The following HNRNPR variants were observed in gnomAD, a reference collection of about 807,000 sequenced individuals.
HNRNPR encodes heterogeneous nuclear ribonucleoprotein R.
A neutral mutation model predicts 70.3 loss-of-function variants in HNRNPR; 4 were observed. The observed-to-expected ratio is 0.06, with a 90% confidence interval of 0.03 to 0.13. The LOEUF is 0.13. Ranked by LOEUF, HNRNPR falls within the 10% of genes least tolerant of loss-of-function variation. The probability of loss-of-function intolerance (pLI) is 1.00; values close to 1 mark genes in which losing one functional copy is unlikely to be tolerated. For synonymous variants in HNRNPR, 241 were observed against 267.6 expected, an observed-to-expected ratio of 0.90 and a Z score of 0.97; for missense variants, 423 against 788.5, an observed-to-expected ratio of 0.54 and a Z score of 5.55.
Position 23,311,026 on chromosome 1 carries a change from G to A in HNRNPR, c.1330C>T (p.Pro444Ser). The A allele has an allele frequency of 1.2e-6, 2 of 1,614,180 alleles. No individual in the cohort carries two copies. The highest frequency in any genetic ancestry group is 1.7e-6 in the Non-Finnish European group (2 of 1,180,028). ...CCACGACCCCGACCTCTAATTGGAG[G>A]TGGCATGCGAGGAGGAGGGTGGTAG... is the stretch of plus-strand genomic sequence containing the variant. The part of the protein sequence containing the change: ...YYYHPPPRMP[P>S]PIRGRGRGGG... The change falls in exon 11 of 11, where the codon CCT (proline) becomes TCT (serine). Residue 444 changes from proline to serine, a missense_variant. Physicochemically the swap from Pro to Ser is moderately conservative, Grantham distance 74. This residue lies in a region of HNRNPR where 169 missense variants were observed against 195.6 expected (regional missense o/e 0.86). Transcript: ENST00000302271.
chr1:23,338,562 G>C lies in HNRNPR; in HGVS notation c.204C>G (p.Leu68=). 6.2e-7 allele frequency: 1 copy of C among 1,600,468 alleles called. No individual in the cohort carries two copies. Among genetic ancestry groups the C allele is most frequent in the Non-Finnish European group, 8.5e-7 (1 of 1,173,338 alleles). The change falls in exon 3 of 11, where the codon CTC becomes CTG. Residue 68 remains leucine (L), a synonymous_variant. Coordinates refer to ENST00000302271, the MANE Select transcript of HNRNPR (RefSeq NM_005826.5). The part of the protein sequence containing the change: ...VDLDERAIDA[L]REFNEEGALS... ...GAGCTCCTTCTTCATTAAATTCCCTGAGAGCATCAATTGCTCTTTCATCAA... is the reference window on the plus strand; with the variant it reads ...GAGCTCCTTCTTCATTAAATTCCCTCAGAGCATCAATTGCTCTTTCATCAA...
At chr1:23,315,905 C>CT (rs982205075) in intron 8 of HNRNPR, among the ~76,000 whole-genome samples, 1 of 152,026 alleles carries the variant, frequency 6.6e-6, no homozygotes, top group Non-Finnish European at 1.5e-5. Flanking sequence ...GGTTTAGTTG[C>CT]TTTTTAAAAA....
rs662879 is a variant in HNRNPR at position 23,310,507 on chromosome 1, T to C, written c.1849A>G (p.Asn617Asp). 2 of 1,613,544 alleles carry C rather than the reference T, an allele frequency of 1.2e-6. No individual in the cohort carries two copies. Among genetic ancestry groups the C allele is most frequent in the Non-Finnish European group, 1.7e-6 (2 of 1,179,722 alleles). Reference sequence around the variant, plus strand: ...TGATAAAATTCCTGGTTGTCATTATTGTAACCATAGTTACCAGAATAGTCA... The same window carrying C: ...TGATAAAATTCCTGGTTGTCATTATCGTAACCATAGTTACCAGAATAGTCA... Reference protein sequence around the residue: ...GGDYSGNYGYNNDNQEFYQDT... With the variant: ...GGDYSGNYGYDNDNQEFYQDT... The change falls in exon 11 of 11, where the codon AAT (asparagine) becomes GAT (aspartate). Residue 617 changes from asparagine to aspartate, a missense_variant. This residue lies in a region of HNRNPR where 39 missense variants were observed against 53.2 expected (regional missense o/e 0.73). Transcript: ENST00000302271. The surrounding 1 kb of genome is among the most constrained non-coding windows in gnomAD (Gnocchi z 6.0).
At chr1:23,327,241 T>C (rs1421685009) in intron 5 of HNRNPR, among the ~76,000 whole-genome samples, 2 of 152,192 alleles carry the variant, frequency 1.3e-5, no homozygotes, top group Non-Finnish European at 2.9e-5. Context: ...TACTCAGAAC[T>C]TGTATAATAC....
intron 10 of HNRNPR, 34 bp from the exon 11 acceptor site, chr1:23,311,100 A>T (rs751573926): frequency 9.3e-6 from 15 of 1,608,922 alleles, no homozygotes; most frequent in Non-Finnish European, 1.2e-5. Context: ...AAGAAAAAAC[A>T]AATCAGTTTG....
chr1:23,313,246 C>A (rs910042397), intron 9 of HNRNPR, among the ~76,000 whole-genome samples: 4 of 152,248 alleles, frequency 2.6e-5, no homozygotes, highest in African/African-American at 7.2e-5. Context: ...CATTCATTAC[C>A]TATTCAGTGT....
chr1:23,311,506 C>T lies in HNRNPR; in HGVS notation c.1168-184G>A, dbSNP rs116482836. Among the ~76,000 whole-genome samples the T allele has an allele frequency of 1.3e-3, 199 of 152,128 alleles. 3 individuals are homozygous for T. Among genetic ancestry groups the T allele is most frequent in the African/African-American group, 4.6e-3 (191 of 41,502 alleles). ...CAAACACACAAAGAAAATACGTTTC[C>T]CTTGACCTTATCTTTTTATACATAA... On this transcript the variant is annotated intron_variant, in intron 9 of 10. Transcript: ENST00000302271.
In HNRNPR at chr1:23,311,265, C is replaced by A; in HGVS notation, c.1225G>T (p.Ala409Ser). The change falls in exon 10 of 11, where the codon GCC becomes TCC. Residue 409 changes from alanine (A) to serine (S), a missense_variant. Ala to Ser is a moderately conservative substitution (Grantham distance 99). Transcript: ENST00000302271. ...TTCCTTTTCTTGTCTGGTGGCTTGG[C>A]TAAGACTATTTCAATTTCTTCCCCT... ...IEGEEIEIVL[A>S]KPPDKKRKER... 1 of 1,612,434 alleles carries A rather than the reference C, an allele frequency of 6.2e-7. No homozygotes were observed. Among genetic ancestry groups the A allele is most frequent in the African/African-American group, 1.3e-5 (1 of 74,984 alleles).
chr1:23,332,265 C>T lies in HNRNPR; in HGVS notation c.498+1253G>A, dbSNP rs57838711. Among the ~76,000 whole-genome samples the T allele has an allele frequency of 8.8e-3, 1,344 of 152,268 alleles. 16 individuals carry two copies. The highest frequency in any genetic ancestry group is 0.031 in the African/African-American group (1,286 of 41,552). On this transcript the variant is annotated intron_variant, in intron 5 of 10. Transcript: ENST00000302271. ...CTTTGTTCAAGTATGGACTAACATA[C>T]TCAATCTTTTATCTGATTCCACATC... is the stretch of plus-strand genomic sequence containing the variant.
At chr1:23,322,165 T>C (rs1038610842) in intron 6 of HNRNPR, among the ~76,000 whole-genome samples, 7 of 152,140 alleles carry the variant, frequency 4.6e-5, no homozygotes, top group Non-Finnish European at 7.4e-5. Flanking sequence ...CACAATACTT[T>C]CAAAATTTTA....
chr1:23,344,007 G>A (rs1461744583), intron 1 of HNRNPR, among the ~76,000 whole-genome samples: 2 of 152,234 alleles, frequency 1.3e-5, no homozygotes, highest in Middle Eastern at 3.4e-3. Context: ...GCGGGGGGAG[G>A]AAGAGCGAGG....
At chr1:23,331,924 G>C (rs931988558) in intron 5 of HNRNPR, among the ~76,000 whole-genome samples, 4 of 149,600 alleles carry the variant, frequency 2.7e-5, no homozygotes, top group African/African-American at 9.8e-5. Flanking sequence ...GGATGAGCAG[G>C]AGTTCATGAC....
chr1:23,339,753 T>C (rs1646641326), intron 2 of HNRNPR, among the ~76,000 whole-genome samples: 1 of 152,192 alleles, frequency 6.6e-6, no homozygotes, highest in African/African-American at 2.4e-5. Flanking sequence ...GCTGCCTCAC[T>C]TGAATATTCC....
chr1:23,320,411 T>A (rs1645710348), intron 7 of HNRNPR, among the ~76,000 whole-genome samples: 1 of 152,144 alleles, frequency 6.6e-6, no homozygotes, highest in Non-Finnish European at 1.5e-5. Flanking sequence ...AGTAAAGGAC[T>A]AAAGATGAGG....
At chr1:23,331,405 T>TAAAAAAAAAA (rs59528152) in intron 5 of HNRNPR, among the ~76,000 whole-genome samples, 3 of 127,236 alleles carry the variant, frequency 2.4e-5, no homozygotes, top group Admixed American at 8.2e-5. Context: ...CACAAAAAAT[T>TAAAAAAAAAA]AAAAAAAAAA....
intron 4 of HNRNPR, among the ~76,000 whole-genome samples, chr1:23,335,997 G>A: frequency 6.7e-6 from 1 of 148,212 alleles, no homozygotes; most frequent in African/African-American, 2.5e-5. Context: ...GGCGCCTGTA[G>A]TCCCAGCTAC....
chr1:23,310,398 A>C lies in HNRNPR; in HGVS notation c.*56T>G, dbSNP rs2148298883. 2.0e-6 allele frequency: 3 copies of C among 1,491,642 alleles called. No homozygotes were observed. The highest frequency in any genetic ancestry group is 2.3e-5 in the Admixed American group (1 of 43,916). 92.4% of individuals were successfully genotyped at this position (1,491,642 alleles called of 1,614,324 possible). A position where few individuals can be genotyped will look rare whatever the true frequency, so the allele number is the denominator to read the frequency against. ...TTAAGCCAATTTTTTTTTTTGAAGAATGTAGATCTAGAGCCAATCGTATCT... is the reference window on the plus strand; with the variant it reads ...TTAAGCCAATTTTTTTTTTTGAAGACTGTAGATCTAGAGCCAATCGTATCT... On this transcript the variant is annotated 3_prime_UTR_variant, in exon 11 of 11. Transcript: ENST00000302271. The surrounding 1 kb of genome is among the most constrained non-coding windows in gnomAD (Gnocchi z 6.0).
chr1:23,332,841 A>C (rs1256392310), intron 5 of HNRNPR, among the ~76,000 whole-genome samples: 2 of 152,080 alleles, frequency 1.3e-5, no homozygotes, highest in Non-Finnish European at 2.9e-5. Context: ...TGGGCAACAC[A>C]GTGAGACCTG....
chr1:23,342,849 T>C (rs1646753987), intron 1 of HNRNPR, among the ~76,000 whole-genome samples: 1 of 152,196 alleles, frequency 6.6e-6, no homozygotes, highest in Non-Finnish European at 1.5e-5. Flanking sequence ...AGACAAGTTG[T>C]GTATTAAGTA....
Sources: allele counts gnomAD v4.1 joint callset (sites outside exome capture counted in the v4.1 genomes callset), GRCh38; gene constraint gnomAD v4.1.1; regional missense constraint gnomAD v4.1.1; non-coding constraint Gnocchi (gnomAD v3.1); transcripts MANE v1.5; gene names NCBI Gene and HGNC (gene_info 2026-07-23, HGNC 2026-07-21).